Variants in RABGAP1 observed in about 807,000 individuals in gnomAD.
RABGAP1 encodes RAB GTPase activating protein 1, also known as rab GTPase-activating protein 1.
A neutral mutation model predicts 137.6 loss-of-function variants in RABGAP1; 23 were observed. The observed-to-expected ratio is 0.17, with a 90% confidence interval of 0.12 to 0.24. RABGAP1 has a LOEUF of 0.24. Among genes scored for constraint, RABGAP1 ranks in the 10% least tolerant of loss-of-function variants. The pLI is 1.00. For missense variants in RABGAP1, 906 were observed against 1,275.8 expected (o/e 0.71, Z 4.42); for synonymous variants, 451 against 450.7 (o/e 1.00, Z -0.01).
intron 1 of RABGAP1, among the ~76,000 whole-genome samples, chr9:122,945,145 T>G (rs1833870352): frequency 8.2e-6 from 1 of 121,986 alleles, no homozygotes; most frequent in Non-Finnish European, 1.6e-5. Context: ...TCATAGCTGT[T>G]GCTTTTTTTT....
At position 123,095,631 on chromosome 9, in the gene RABGAP1, G is replaced by A. The variant is rs1012933362; in HGVS notation, c.2629-2110G>A. 5.9e-5 allele frequency among the ~76,000 whole-genome samples: 9 copies of A among 152,044 alleles called. No individual in the cohort carries two copies. In the East Asian group the frequency reaches 1.7e-3, roughly 29 times the overall value. Reference sequence around the variant, plus strand: ...ATGGGAGTATTGTTTGAGCGCAGGAGTTCAAGGTTATGGTGAGCTATGATC... The same window carrying A: ...ATGGGAGTATTGTTTGAGCGCAGGAATTCAAGGTTATGGTGAGCTATGATC... On this transcript the variant is annotated intron_variant, in intron 21 of 25. Transcript: ENST00000373647.
chr9:123,039,354 G>T (rs1417254824), intron 13 of RABGAP1, among the ~76,000 whole-genome samples: 1 of 152,126 alleles, frequency 6.6e-6, no homozygotes, highest in Non-Finnish European at 1.5e-5. Context: ...TATCTGTCTG[G>T]TTAATATCTT....
intron 21 of RABGAP1, among the ~76,000 whole-genome samples, chr9:123,096,745 T>C (rs2035196246): frequency 1.3e-5 from 2 of 152,190 alleles, no homozygotes; most frequent in African/African-American, 2.4e-5. Flanking sequence ...ATTTTTTGTA[T>C]ATTTTTAGTA....
At position 123,103,701 on chromosome 9, in the gene RABGAP1, G is replaced by T. The variant is rs1015812028; in HGVS notation, c.*488G>T. ...TTTTCTGCTTCAATGCCAGCAGAAG[G>T]TCCCCCAGGTAGACATGGAGAAGCA... On this transcript the variant is annotated 3_prime_UTR_variant, in exon 26 of 26. Coordinates refer to ENST00000373647, the MANE Select transcript of RABGAP1 (RefSeq NM_012197.4). The T allele has an allele frequency of 7.7e-5, 11 of 142,662 alleles. No homozygotes were observed. The highest frequency in any genetic ancestry group is 6.1e-5 in the Non-Finnish European group (4 of 65,980). 8.8% of individuals were successfully genotyped at this position (142,662 alleles called of 1,614,324 possible). A position where few individuals can be genotyped will look rare whatever the true frequency, so the allele number is the denominator to read the frequency against.
At chr9:123,038,337 G>A (rs2032777632) in intron 13 of RABGAP1, among the ~76,000 whole-genome samples, 1 of 151,972 alleles carries the variant, frequency 6.6e-6, no homozygotes, top group African/African-American at 2.4e-5. Flanking sequence ...TTGAATAATG[G>A]TCTCAGTATT....
At chr9:123,089,957 TAGGTTC>T (rs2034986617) in intron 20 of RABGAP1, 107 bp downstream of exon 20, 2 of 1,034,138 alleles carry the variant, frequency 1.9e-6, no homozygotes, top group African/African-American at 3.2e-5. Flanking sequence ...AATTCCTCTG[TAGGTTC>T]AGGTTTGAGT....
Position 123,089,770 on chromosome 9 carries a change from A to T in RABGAP1, c.2437A>T (p.Lys813Ter). 3.1e-6 allele frequency: 5 copies of T among 1,612,830 alleles called. No individual in the cohort carries two copies. The highest frequency in any genetic ancestry group is 4.2e-6 in the Non-Finnish European group (5 of 1,179,120). The change falls in exon 20 of 26, where the codon AAG becomes TAG. Residue 813 changes from lysine (K) to a stop codon, truncating the protein, a stop_gained. Transcript: ENST00000373647. LOFTEE classifies it high-confidence loss of function. The part of the protein sequence containing the change: ...LACNMKISQK[K>*]LKKYEKEYHT... ...ATTTATCCTACAGATTAGTCAGAAG[A>T]AGTTGAAAAAATACGAGAAAGAATA...
chr9:123,024,437 CT>C (rs1215225013), intron 13 of RABGAP1, among the ~76,000 whole-genome samples: 383 of 140,038 alleles, frequency 2.7e-3, no homozygotes, highest in Admixed American at 3.9e-3. Flanking sequence ...GCCAGCATAT[CT>C]TTTTTTTTTT....
intron 19 of RABGAP1, 136 bp downstream of exon 19, chr9:123,076,898 A>AT: frequency 6.1e-5 from 28 of 455,972 alleles, no homozygotes; most frequent in South Asian, 9.9e-5. Flanking sequence ...CATTTATAAT[A>AT]TATAAATAAT....
At chr9:122,945,147 C>CTTTTTCTTTTTTTTTTTTTTTTT (rs1833873609) in intron 1 of RABGAP1, among the ~76,000 whole-genome samples, 1 of 75,772 alleles carries the variant, frequency 1.3e-5, no homozygotes, top group East Asian at 2.7e-4. Flanking sequence ...ATAGCTGTTG[C>CTTTTTCTTTTTTTTTTTTTTTTT]TTTTTTTTTT....
intron 19 of RABGAP1, among the ~76,000 whole-genome samples, chr9:123,079,759 C>T (rs2034649677): frequency 6.6e-6 from 1 of 152,110 alleles, no homozygotes. Flanking sequence ...CATGGCTTCA[C>T]TGTCCCCTCA....
intron 14 of RABGAP1, among the ~76,000 whole-genome samples, chr9:123,068,076 G>A (rs1215097232): frequency 2.0e-5 from 3 of 152,094 alleles, no homozygotes; most frequent in Admixed American, 2.0e-4. Flanking sequence ...TAGGCTGGGC[G>A]CGGTGGCTTA....
intron 10 of RABGAP1, among the ~76,000 whole-genome samples, chr9:123,004,712 A>T (rs2030053949): frequency 1.3e-5 from 2 of 152,174 alleles, no homozygotes; most frequent in African/African-American, 4.8e-5. Context: ...ATATGCATAT[A>T]TTTTATTTAC....
At chr9:123,035,629 A>G (rs780057213) in intron 13 of RABGAP1, 26 of 1,468,700 alleles carry the variant, frequency 1.8e-5, no homozygotes. Context: ...TGGCTCAGTT[A>G]CGGGGTTCCC....
chr9:122,991,361 T>C (rs189546556), intron 6 of RABGAP1, among the ~76,000 whole-genome samples: 1 of 152,322 alleles, frequency 6.6e-6, no homozygotes, highest in East Asian at 1.9e-4. Flanking sequence ...CCTCATTAAA[T>C]TGGTAAAATG....
At chr9:122,936,553 T>C (rs1372112268), upstream of RABGAP1, among the ~76,000 whole-genome samples, 1 of 152,200 alleles carries the variant, frequency 6.6e-6, no homozygotes, top group Non-Finnish European at 1.5e-5. Flanking sequence ...CTTAACCCTG[T>C]AGCACGCAGC....
chr9:123,094,328 T>C (rs981610918), intron 21 of RABGAP1, among the ~76,000 whole-genome samples: 3 of 152,230 alleles, frequency 2.0e-5, no homozygotes, highest in Non-Finnish European at 4.4e-5. Context: ...CTGTAGGTTT[T>C]TCGTAGAGTA....
At chr9:123,000,154 T>G (rs894624644) in intron 10 of RABGAP1, among the ~76,000 whole-genome samples, 4 of 152,244 alleles carry the variant, frequency 2.6e-5, no homozygotes, top group African/African-American at 9.6e-5. Context: ...TGCACATTTT[T>G]GTTTCTTTGT....
chr9:122,996,833 G>C (rs1588237887), intron 8 of RABGAP1: 2 of 486,294 alleles, frequency 4.1e-6, no homozygotes, highest in East Asian at 3.6e-5. Flanking sequence ...TAAAATTCTT[G>C]TTTAAATATT....
Sources: gnomAD v4.1 joint callset for allele counts (sites outside exome capture counted in the v4.1 genomes callset) on GRCh38, gnomAD v4.1.1 for gene constraint, MANE v1.5 for transcripts, NCBI Gene and HGNC (gene_info 2026-07-23, HGNC 2026-07-21) for gene names.